ABCD3: variants seen among roughly 807,000 people sequenced by gnomAD.
ABCD3 encodes the protein ATP binding cassette subfamily D member 3.
Under a neutral mutation model 105.5 loss-of-function variants are expected in ABCD3, and 41 were observed. That is an observed-to-expected ratio of 0.39 (90% CI 0.30 to 0.50). The LOEUF (loss-of-function observed/expected upper bound fraction) is 0.50. Ranked by LOEUF, ABCD3 falls within the 20% of genes least tolerant of loss-of-function variation. ABCD3 has a pLI of 0.84. For synonymous variants in ABCD3, 258 were observed against 269.0 expected, an observed-to-expected ratio of 0.96 and a Z score of 0.40; for missense variants, 622 against 806.3, an observed-to-expected ratio of 0.77 and a Z score of 2.77.
intron 3 of ABCD3, among the ~76,000 whole-genome samples, chr1:94,467,034 C>A (rs1271909368): frequency 6.6e-6 from 1 of 152,184 alleles, no homozygotes; most frequent in Non-Finnish European, 1.5e-5. Context: ...CAGCCAGTCA[C>A]CCAGCATCTT....
intron 1 of ABCD3, among the ~76,000 whole-genome samples, chr1:94,422,806 G>A (rs892089963): frequency 1.3e-5 from 2 of 152,242 alleles, no homozygotes; most frequent in Admixed American, 1.3e-4. Flanking sequence ...CCTGACCTGG[G>A]TAGTGGGAAA....
the ABCD3 span, among the ~76,000 whole-genome samples, chr1:94,401,322 G>A: frequency 6.6e-6 from 1 of 152,230 alleles, no homozygotes; most frequent in Non-Finnish European, 1.5e-5. Flanking sequence ...GCAGACCAGG[G>A]AAACATTTCC....
In ABCD3 at chr1:94,518,144, T is replaced by C. The variant is rs1204606365; in HGVS notation, c.*1015T>C. Reference sequence around the variant, plus strand: ...TGTTTCCGAGGCACTGTTTTATCTCTGTGAATCTTGAATAACTTTTTTATA... The same window carrying C: ...TGTTTCCGAGGCACTGTTTTATCTCCGTGAATCTTGAATAACTTTTTTATA... On this transcript the variant is annotated 3_prime_UTR_variant, in exon 23 of 23. Coordinates refer to ENST00000370214, the MANE Select transcript of ABCD3 (RefSeq NM_002858.4). 2.6e-5 allele frequency: 4 copies of C among 152,234 alleles called. No homozygotes were observed. Among genetic ancestry groups the C allele is most frequent in the Admixed American group, 2.0e-4 (3 of 15,228 alleles). The allele number at this position is 152,234 out of a possible 1,614,324, so 9.4% of individuals were successfully genotyped here. A position where few individuals can be genotyped will look rare whatever the true frequency, so the allele number is the denominator to read the frequency against.
At chr1:94,510,644 T>C (rs955972810) in intron 21 of ABCD3, among the ~76,000 whole-genome samples, 1 of 152,088 alleles carries the variant, frequency 6.6e-6, no homozygotes, top group Non-Finnish European at 1.5e-5. Context: ...TGTAGGTCGC[T>C]CAGGACTTGC....
intron 10 of ABCD3, among the ~76,000 whole-genome samples, 189 bp downstream of exon 10, chr1:94,483,428 A>G (rs569308675): frequency 2.0e-5 from 3 of 152,292 alleles, no homozygotes; most frequent in East Asian, 1.9e-4. Flanking sequence ...TGAGATTAAA[A>G]ACTATCATAT....
At chr1:94,427,734 CA>C (rs1174890926) in intron 1 of ABCD3, among the ~76,000 whole-genome samples, 2 of 152,194 alleles carry the variant, frequency 1.3e-5, no homozygotes, top group Non-Finnish European at 2.9e-5. Context: ...CTTGTTCTCC[CA>C]AAAGTATCAG....
chr1:94,453,100 A>G (rs957951640), intron 1 of ABCD3, among the ~76,000 whole-genome samples: 1 of 152,088 alleles, frequency 6.6e-6, no homozygotes, highest in African/African-American at 2.4e-5. Flanking sequence ...ACTTGCAGCA[A>G]AAATAATGTG....
intron 8 of ABCD3, chr1:94,478,536 A>G (rs770223209): frequency 6.3e-7 from 1 of 1,597,708 alleles, no homozygotes; most frequent in South Asian, 1.1e-5. Context: ...ACTTGGAAAA[A>G]TTTTGTGGCA....
intron 1 of ABCD3, among the ~76,000 whole-genome samples, chr1:94,440,684 G>A (rs1028221539): frequency 1.3e-5 from 2 of 152,078 alleles, no homozygotes; most frequent in Non-Finnish European, 2.9e-5. Context: ...GCTACCTTTC[G>A]GGTTTTGTAG....
chr1:94,461,571 T>C (rs891798255), intron 2 of ABCD3, among the ~76,000 whole-genome samples: 2 of 152,096 alleles, frequency 1.3e-5, no homozygotes, highest in African/African-American at 4.8e-5. Flanking sequence ...TCTAATTTTT[T>C]CCAGCATACT....
At chr1:94,471,432 C>A (rs549730632) in intron 4 of ABCD3, among the ~76,000 whole-genome samples, 1 of 151,392 alleles carries the variant, frequency 6.6e-6, no homozygotes, top group East Asian at 1.9e-4. Context: ...GTGGCACATA[C>A]CTACAGTCTC....
chr1:94,451,827 T>C (rs1647273210), intron 1 of ABCD3, among the ~76,000 whole-genome samples: 2 of 152,166 alleles, frequency 1.3e-5, no homozygotes, highest in African/African-American at 4.8e-5. Context: ...TGGAGAAAAA[T>C]ACTTTGCCAT....
At chr1:94,441,235 A>G (rs1660122449) in intron 1 of ABCD3, among the ~76,000 whole-genome samples, 1 of 152,246 alleles carries the variant, frequency 6.6e-6, no homozygotes, top group Non-Finnish European at 1.5e-5. Flanking sequence ...GCTAATAAGT[A>G]TATAGATGAT....
At chr1:94,452,494 G>A (rs1647303045) in intron 1 of ABCD3, among the ~76,000 whole-genome samples, 2 of 152,082 alleles carry the variant, frequency 1.3e-5, no homozygotes, top group Admixed American at 1.3e-4. Context: ...AAAGAAGGCA[G>A]GAGCCAGATC....
At chr1:94,455,230 A>G (rs1219883019) in intron 1 of ABCD3, among the ~76,000 whole-genome samples, 2 of 152,232 alleles carry the variant, frequency 1.3e-5, no homozygotes, top group African/African-American at 4.8e-5. Context: ...CATTAAAAAT[A>G]TCTTTTATAG....
intron 10 of ABCD3, 81 bp downstream of exon 10, chr1:94,483,320 T>C (rs938917693): frequency 8.0e-6 from 8 of 994,890 alleles, no homozygotes; most frequent in African/African-American, 1.6e-5. Context: ...CCGACACACA[T>C]ACACACACAC....
intron 20 of ABCD3, among the ~76,000 whole-genome samples, chr1:94,505,795 G>A (rs1049855276): frequency 2.0e-5 from 3 of 152,116 alleles, no homozygotes; most frequent in African/African-American, 7.2e-5. Context: ...GGATGGAGTG[G>A]TCTTCTAAAG....
chr1:94,387,519 C>A, the ABCD3 span, among the ~76,000 whole-genome samples: 1 of 152,160 alleles, frequency 6.6e-6, no homozygotes, highest in African/African-American at 2.4e-5. Flanking sequence ...TGAAGAACTC[C>A]AAACTCTTCT....
chr1:94,504,457 AG>A lies in ABCD3; in HGVS notation c.1741-2079del, dbSNP rs560618499. Among the ~76,000 whole-genome samples the A allele has an allele frequency of 2.0e-5, 3 of 152,298 alleles. No homozygotes were observed. The East Asian group carries it at 5.8e-4, about 29-fold the overall frequency. The stretch of plus-strand genomic sequence containing the variant: ...TTGGATTGTGGCTAGGGATGAGGGT[AG>A]GTTTGCCTGAGATGACATTATAAGC... On this transcript the variant is annotated intron_variant, in intron 20 of 22. Transcript: ENST00000370214.
Sources: allele counts gnomAD v4.1 joint callset (sites outside exome capture counted in the v4.1 genomes callset), GRCh38; gene constraint gnomAD v4.1.1; transcripts MANE v1.5; gene names NCBI Gene and HGNC (gene_info 2026-07-23, HGNC 2026-07-21).